The following PLEKHG1 variants were observed in gnomAD, a reference collection of about 807,000 sequenced individuals.
PLEKHG1 encodes the protein pleckstrin homology domain-containing family G member 1.
In PLEKHG1, 44 loss-of-function variants were observed where a neutral mutation model predicts 100.8. That is an observed-to-expected ratio of 0.44 (90% CI 0.34 to 0.56). PLEKHG1 has a LOEUF of 0.56. Ranked by LOEUF, PLEKHG1 falls within the 20% of genes least tolerant of loss-of-function variation. PLEKHG1 has a pLI of 0.01. For missense variants in PLEKHG1, 1,545 were observed against 1,720.9 expected (o/e 0.90, Z 1.81); for synonymous variants, 640 against 662.5 (o/e 0.97, Z 0.52).
At chr6:150,785,350 G>A (rs1785560346) in intron 3 of PLEKHG1, among the ~76,000 whole-genome samples, 2 of 152,086 alleles carry the variant, frequency 1.3e-5, no homozygotes, top group Non-Finnish European at 2.9e-5. Flanking sequence ...AGCATAGTAA[G>A]GTGTATATTA....
rs1309463399 is a variant in PLEKHG1, at chr6:150,630,729, C to A, written c.-203-7351C>A. 2.0e-5 allele frequency among the ~76,000 whole-genome samples: 3 copies of A among 152,172 alleles called. No individual in the cohort carries two copies. The East Asian group carries it at 5.8e-4, about 29-fold the overall frequency. ...GAAATACACACCTGAGAACTATCAGCAAATCAATGATATTTACAATCACCG... is the reference window on the plus strand; with the variant it reads ...GAAATACACACCTGAGAACTATCAGAAAATCAATGATATTTACAATCACCG... On this transcript the variant is annotated intron_variant, in intron 1 of 3. Transcript: ENST00000367326.
chr6:150,691,160 CA>C (rs1381863345), intron 3 of PLEKHG1, among the ~76,000 whole-genome samples: 2 of 152,196 alleles, frequency 1.3e-5, no homozygotes, highest in African/African-American at 4.8e-5. Context: ...AAGACCTATC[CA>C]TATCAGAAGT....
chr6:150,680,621 C>T (rs1327179947), intron 3 of PLEKHG1, among the ~76,000 whole-genome samples: 6 of 152,240 alleles, frequency 3.9e-5, no homozygotes, highest in East Asian at 1.9e-4. Flanking sequence ...GTCCCCAAAG[C>T]GGGACAGTGC....
chr6:150,654,255 C>T (rs1778872646), intron 3 of PLEKHG1, among the ~76,000 whole-genome samples: 1 of 152,184 alleles, frequency 6.6e-6, no homozygotes, highest in Admixed American at 6.5e-5. Flanking sequence ...TTCCTGAGCC[C>T]CTTGCACTGG....
intron 3 of PLEKHG1, among the ~76,000 whole-genome samples, chr6:150,674,295 AG>A (rs1779667800): frequency 4.6e-5 from 7 of 152,036 alleles, no homozygotes. Flanking sequence ...GCGTTGAAAA[AG>A]GTTTTTATTG....
At chr6:150,775,155 G>T (rs981116769) in intron 3 of PLEKHG1, among the ~76,000 whole-genome samples, 3 of 152,124 alleles carry the variant, frequency 2.0e-5, no homozygotes, top group African/African-American at 7.2e-5. Context: ...AGGAAACTGG[G>T]TTAGTCAAAA....
At chr6:150,637,396 T>A (rs756545498) in intron 1 of PLEKHG1, among the ~76,000 whole-genome samples, 6 of 151,896 alleles carry the variant, frequency 4.0e-5, no homozygotes, top group Non-Finnish European at 7.4e-5. Context: ...TTGGGTTTTT[T>A]TTTTTACTTT....
At chr6:150,823,329 G>A (rs1041304378) in intron 13 of PLEKHG1, among the ~76,000 whole-genome samples, 1 of 152,168 alleles carries the variant, frequency 6.6e-6, no homozygotes, top group Non-Finnish European at 1.5e-5. Flanking sequence ...CATGGCATGG[G>A]GCATGTGCAA....
chr6:150,840,310 A>G (rs1436701799), exon 16 of PLEKHG1: 5 of 1,614,024 alleles, frequency 3.1e-6, no homozygotes, highest in South Asian at 2.2e-5. Flanking sequence ...TTGATCAACA[A>G]ATCAATGGAT....
At chr6:150,782,518 A>G (rs1785369884) in intron 3 of PLEKHG1, among the ~76,000 whole-genome samples, 1 of 152,230 alleles carries the variant, frequency 6.6e-6, no homozygotes, top group Admixed American at 6.5e-5. Context: ...TTAGTGGGCT[A>G]TGAAAGATAT....
At chr6:150,676,038 A>T (rs1033489726) in intron 3 of PLEKHG1, among the ~76,000 whole-genome samples, 3 of 152,248 alleles carry the variant, frequency 2.0e-5, no homozygotes, top group Admixed American at 6.5e-5. Flanking sequence ...CCAATGAACT[A>T]AAGAATTACA....
intron 3 of PLEKHG1, among the ~76,000 whole-genome samples, chr6:150,658,309 TAGAA>T (rs1779047995): frequency 6.6e-6 from 1 of 152,326 alleles, no homozygotes; most frequent in Non-Finnish European, 1.5e-5. Flanking sequence ...TGTTTTAAAA[TAGAA>T]AGACAAGGAA....
At chr6:150,785,024 C>G (rs1008628411) in intron 3 of PLEKHG1, among the ~76,000 whole-genome samples, 10 of 145,798 alleles carry the variant, frequency 6.9e-5, no homozygotes, top group African/African-American at 2.0e-4. Context: ...GAGACCCTGT[C>G]TCTAAAATTA....
At chr6:150,650,343 G>A (rs1180154131) in intron 2 of PLEKHG1, among the ~76,000 whole-genome samples, 2 of 152,110 alleles carry the variant, frequency 1.3e-5, no homozygotes, top group East Asian at 1.9e-4. Context: ...TCCTTTGTTG[G>A]GGGAAATTCT....
exon 1 of PLEKHG1, chr6:150,599,894 CCCG>C: frequency 5.4e-6 from 1 of 185,166 alleles, no homozygotes; most frequent in Non-Finnish European, 1.1e-5. Flanking sequence ...CGAGCCTGAG[CCCG>C]AGCCCGAGCC....
exon 16 of PLEKHG1, chr6:150,841,397 TA>T (rs148747224): frequency 0.032 from 5,765 of 177,536 alleles, 105 homozygotes; most frequent in South Asian, 0.05. Context: ...CAGAGATCTG[TA>T]AATTGGACTG....
intron 1 of PLEKHG1, among the ~76,000 whole-genome samples, chr6:150,605,138 G>A (rs539693398): frequency 5.1e-4 from 77 of 152,294 alleles, no homozygotes; most frequent in Non-Finnish European, 9.0e-4. Context: ...GCATTTAGAG[G>A]TCTAGAGAAA....
chr6:150,726,727 T>G (rs1781982017), intron 1 of PLEKHG1, among the ~76,000 whole-genome samples: 1 of 152,138 alleles, frequency 6.6e-6, no homozygotes, highest in Non-Finnish European at 1.5e-5. Context: ...AAAATCATGT[T>G]CCCTGAATTT....
chr6:150,791,592 C>A (rs1785985619), intron 4 of PLEKHG1, among the ~76,000 whole-genome samples: 1 of 151,456 alleles, frequency 6.6e-6, no homozygotes, highest in Non-Finnish European at 1.5e-5. Context: ...ATTGTTTGAA[C>A]CCGGGAAGCA....
Sources: allele counts gnomAD v4.1 joint callset (sites outside exome capture counted in the v4.1 genomes callset), GRCh38; gene constraint gnomAD v4.1.1; transcripts MANE v1.5; gene names NCBI Gene and HGNC (gene_info 2026-07-23, HGNC 2026-07-21).